Variants in TBC1D32 observed in about 807,000 individuals in gnomAD.
TBC1D32 encodes the protein TBC1 domain family member 32, also known as protein broad-minded.
A neutral mutation model predicts 170.3 loss-of-function variants in TBC1D32; 151 were observed. The observed-to-expected ratio is 0.89, with a 90% CI of 0.78 to 1.01. TBC1D32 has a LOEUF of 1.01. Ranked by LOEUF, TBC1D32 falls within the 50% of genes least tolerant of loss-of-function variation. The pLI is 0.00. For synonymous variants in TBC1D32, 498 were observed against 488.0 expected, an observed-to-expected ratio of 1.02 and a Z score of -0.27; for missense variants, 1,464 against 1,457.1, an observed-to-expected ratio of 1.00 and a Z score of -0.08.
chr6:121,202,641 T>TTTGTTGTA (rs1430115826), intron 22 of TBC1D32, among the ~76,000 whole-genome samples: 1 of 151,092 alleles, frequency 6.6e-6, no homozygotes, highest in East Asian at 1.9e-4. Flanking sequence ...CTTTGGGTGG[T>TTTGTTGTA]TTGTTGTATT....
intron 22 of TBC1D32, among the ~76,000 whole-genome samples, chr6:121,201,190 C>T (rs978754471): frequency 2.0e-5 from 3 of 151,206 alleles, no homozygotes; most frequent in African/African-American, 7.4e-5. Context: ...GCTCAGAATA[C>T]GTATTCAATA....
intron 17 of TBC1D32, among the ~76,000 whole-genome samples, 168 bp downstream of exon 17, chr6:121,255,160 G>A (rs1186652001): frequency 1.3e-5 from 2 of 151,772 alleles, no homozygotes; most frequent in Non-Finnish European, 2.9e-5. Flanking sequence ...AAGGTTATGA[G>A]TATTACATGA....
At chr6:121,097,476 A>C (rs1288428201) in intron 30 of TBC1D32, among the ~76,000 whole-genome samples, 2 of 152,210 alleles carry the variant, frequency 1.3e-5, no homozygotes, top group Non-Finnish European at 2.9e-5. Context: ...AGAAATGCAA[A>C]TCAAAACCAC....
intron 13 of TBC1D32, 51 bp from the exon 14 acceptor site, chr6:121,281,737 TATTTTA>T: frequency 7.1e-7 from 1 of 1,405,602 alleles, no homozygotes; most frequent in African/African-American, 1.5e-5. Flanking sequence ...TACTTAGAAC[TATTTTA>T]TGTTAGCTGT....
chr6:121,278,099 T>C (rs1318543737), intron 15 of TBC1D32, among the ~76,000 whole-genome samples: 4 of 152,142 alleles, frequency 2.6e-5, no homozygotes, highest in Non-Finnish European at 5.9e-5. Flanking sequence ...GTTTATTAAA[T>C]AAATTGAATG....
chr6:121,310,899 T>A, intron 3 of TBC1D32, 52 bp from the exon 4 acceptor site: 1 of 953,690 alleles, frequency 1.0e-6, no homozygotes, highest in Non-Finnish European at 1.7e-6. Context: ...TTTAGAACTA[T>A]TGCTATAAGT....
intron 12 of TBC1D32, among the ~76,000 whole-genome samples, chr6:121,289,159 A>G (rs1804391312): frequency 6.6e-6 from 1 of 152,322 alleles, no homozygotes; most frequent in Middle Eastern, 3.4e-3. Context: ...GGCAAGGGCA[A>G]TCAGGCAAGG....
At chr6:121,133,186 C>T (rs184301886) in intron 24 of TBC1D32, among the ~76,000 whole-genome samples, 55 of 152,008 alleles carry the variant, frequency 3.6e-4, no homozygotes, top group African/African-American at 1.2e-3. Flanking sequence ...TAGTGGTAAA[C>T]GTGATACTTG....
chr6:121,174,777 TC>T (rs1787528918), intron 22 of TBC1D32, among the ~76,000 whole-genome samples: 1 of 152,166 alleles, frequency 6.6e-6, no homozygotes, highest in African/African-American at 2.4e-5. Flanking sequence ...ATGCCTGTAA[TC>T]CCAGCATTTT....
rs572249530 is a variant in TBC1D32 at position 121,139,317 on chromosome 6, T to A, written c.2774-7565A>T. 2.0e-5 allele frequency among the ~76,000 whole-genome samples: 3 copies of A among 152,356 alleles called. No individual in the cohort carries two copies. In the East Asian group the frequency reaches 5.8e-4, roughly 29 times the overall value. ...TTTCATTATTTTATCAAAATGCAAT[T>A]GCAATTACAGTCCATCTCATTCTCC... On this transcript the variant is annotated intron_variant, in intron 24 of 31. Transcript: ENST00000398212.
intron 12 of TBC1D32, among the ~76,000 whole-genome samples, chr6:121,287,027 G>A (rs1456060196): frequency 3.3e-5 from 5 of 151,994 alleles, no homozygotes; most frequent in East Asian, 1.9e-4. Context: ...AGGAACAACC[G>A]GTACCAGCCA....
intron 3 of TBC1D32, among the ~76,000 whole-genome samples, chr6:121,311,135 G>A (rs549269894): frequency 6.6e-6 from 1 of 152,214 alleles, no homozygotes; most frequent in East Asian, 1.9e-4. Flanking sequence ...CCAAAATGCT[G>A]CATACTCAGA....
intron 17 of TBC1D32, among the ~76,000 whole-genome samples, chr6:121,244,448 G>A (rs749536905): frequency 1.3e-5 from 2 of 152,096 alleles, no homozygotes; most frequent in Non-Finnish European, 2.9e-5. Context: ...ACCACTAAGT[G>A]GGGGCAGGGT....
At chr6:121,270,065 G>A (rs1488194301) in intron 15 of TBC1D32, among the ~76,000 whole-genome samples, 7 of 151,976 alleles carry the variant, frequency 4.6e-5, no homozygotes, top group Non-Finnish European at 1.0e-4. Context: ...TGAAACCAAC[G>A]AGAACAAAGA....
chr6:121,135,473 C>T (rs1781950790), intron 24 of TBC1D32, among the ~76,000 whole-genome samples: 1 of 152,070 alleles, frequency 6.6e-6, no homozygotes, highest in Admixed American at 6.6e-5. Context: ...ACTGTAATGT[C>T]TGAGAAAAGG....
chr6:121,320,971 C>T (rs1486421230), intron 2 of TBC1D32, among the ~76,000 whole-genome samples: 1 of 152,130 alleles, frequency 6.6e-6, no homozygotes, highest in African/African-American at 2.4e-5. Context: ...AGGGCTGGTT[C>T]CCACCTTGTA....
intron 21 of TBC1D32, among the ~76,000 whole-genome samples, chr6:121,211,302 A>AT (rs947007977): frequency 6.6e-6 from 1 of 152,150 alleles, no homozygotes; most frequent in African/African-American, 2.4e-5. Context: ...GAAAATATGG[A>AT]TTTTTTAAAA....
chr6:121,113,902 T>C (rs1779441712), intron 27 of TBC1D32, among the ~76,000 whole-genome samples: 1 of 152,144 alleles, frequency 6.6e-6, no homozygotes, highest in African/African-American at 2.4e-5. Context: ...TTAAAGAGAC[T>C]TGGTGGCTCA....
chr6:121,107,494 G>A (rs1012825143), intron 29 of TBC1D32, among the ~76,000 whole-genome samples: 1 of 151,848 alleles, frequency 6.6e-6, no homozygotes, highest in Non-Finnish European at 1.5e-5. Flanking sequence ...GCATAGCACA[G>A]TAAATGGATA....
Sources: allele counts gnomAD v4.1 joint callset (sites outside exome capture counted in the v4.1 genomes callset), GRCh38; gene constraint gnomAD v4.1.1; transcripts MANE v1.5; gene names NCBI Gene and HGNC (gene_info 2026-07-23, HGNC 2026-07-21).